Variants in TJP1 observed in about 807,000 individuals in gnomAD.
TJP1 encodes the protein tight junction protein ZO-1.
Under a neutral mutation model 194.2 loss-of-function variants are expected in TJP1, and 43 were observed. That is an observed-to-expected ratio of 0.22 (90% confidence interval 0.17 to 0.29). TJP1 has a LOEUF of 0.29. Among genes scored for constraint, TJP1 ranks in the 10% least tolerant of loss-of-function variants. The pLI, the probability that TJP1 is intolerant of heterozygous loss-of-function variation, is 1.00. For missense variants in TJP1, 1,971 were observed against 2,185.7 expected, an observed-to-expected ratio of 0.90 and a Z score of 1.96; for synonymous variants, 801 against 779.0, an observed-to-expected ratio of 1.03 and a Z score of -0.47.
chr15:29,894,974 T>C (rs535279498), intron 2 of TJP1, among the ~76,000 whole-genome samples: 4 of 152,218 alleles, frequency 2.6e-5, no homozygotes, highest in South Asian at 2.1e-4. Flanking sequence ...TGGTGCCCAG[T>C]TGTGCAGCAA....
intron 5 of TJP1, 27 bp downstream of exon 5, chr15:29,766,239 A>T (rs758371813): frequency 5.0e-6 from 8 of 1,588,894 alleles, no homozygotes; most frequent in Non-Finnish European, 6.8e-6. Flanking sequence ...TCATGTGAAA[A>T]AAACAGCAAG....
chr15:29,862,973 A>G (rs1297859542), intron 2 of TJP1, among the ~76,000 whole-genome samples: 1 of 151,568 alleles, frequency 6.6e-6, no homozygotes, highest in East Asian at 2.0e-4. Context: ...TAACAAGGCA[A>G]TGACACCACC....
At chr15:29,835,889 AAG>A (rs143484883) in intron 2 of TJP1, among the ~76,000 whole-genome samples, 37 of 148,850 alleles carry the variant, frequency 2.5e-4, no homozygotes, top group Non-Finnish European at 2.1e-4. Flanking sequence ...TGGACGGGGA[AAG>A]AGAGAGAGAG....
intron 8 of TJP1, among the ~76,000 whole-genome samples, chr15:29,743,221 C>T (rs1214184510): frequency 6.6e-6 from 1 of 152,018 alleles, no homozygotes; most frequent in Non-Finnish European, 1.5e-5. Flanking sequence ...TAAAGTAAGA[C>T]TCAATGAAGC....
intron 1 of TJP1, among the ~76,000 whole-genome samples, chr15:29,804,480 T>C (rs1376463325): frequency 6.6e-6 from 1 of 152,164 alleles, no homozygotes; most frequent in African/African-American, 2.4e-5. Flanking sequence ...TGTTCACTAA[T>C]GACTGAGAAT....
chr15:29,819,526 G>A (rs141743300), intron 1 of TJP1, among the ~76,000 whole-genome samples: 3 of 152,230 alleles, frequency 2.0e-5, no homozygotes, highest in Admixed American at 6.5e-5. Flanking sequence ...GATGTTTCTG[G>A]ACCTCCCTGG....
At chr15:29,705,097 T>C (rs1200966769) in intron 26 of TJP1, among the ~76,000 whole-genome samples, 1 of 152,226 alleles carries the variant, frequency 6.6e-6, no homozygotes, top group Non-Finnish European at 1.5e-5. Context: ...GTACTAGTGC[T>C]AGGTTCTGGG....
At chr15:29,760,099 C>G (rs1364676920) in intron 8 of TJP1, 13 of 614,710 alleles carry the variant, frequency 2.1e-5, no homozygotes, top group Non-Finnish European at 3.2e-5. Context: ...TATAAGGGTT[C>G]CCTTTTCTTC....
intron 1 of TJP1, among the ~76,000 whole-genome samples, chr15:29,958,489 C>T (rs1219031891): frequency 1.3e-5 from 2 of 152,074 alleles, no homozygotes; most frequent in Admixed American, 1.3e-4. Context: ...TAAGTTTCTG[C>T]CTTATTAATA....
At chr15:29,966,251 C>T (rs1356926888) in intron 1 of TJP1, among the ~76,000 whole-genome samples, 1 of 152,116 alleles carries the variant, frequency 6.6e-6, no homozygotes, top group African/African-American at 2.4e-5. Flanking sequence ...ACCTGTAATC[C>T]CAGCACTTTG....
intron 2 of TJP1, among the ~76,000 whole-genome samples, chr15:29,857,661 T>G (rs938369415): frequency 1.3e-5 from 2 of 152,202 alleles, no homozygotes; most frequent in African/African-American, 4.8e-5. Context: ...AAGGCCAATA[T>G]GCATTCTTGC....
At chr15:29,844,451 G>T (rs971481375) in intron 2 of TJP1, among the ~76,000 whole-genome samples, 3 of 152,166 alleles carry the variant, frequency 2.0e-5, no homozygotes, top group African/African-American at 7.2e-5. Flanking sequence ...CAGTGAGGTG[G>T]CACCAGCAGT....
At chr15:29,831,222 A>G (rs748540764) in intron 2 of TJP1, among the ~76,000 whole-genome samples, 12 of 152,236 alleles carry the variant, frequency 7.9e-5, no homozygotes, top group Non-Finnish European at 5.9e-5. Context: ...TTGCTGAGGG[A>G]AAGTTTTTCT....
At chr15:29,837,664 CAT>C (rs940724589) in intron 2 of TJP1, among the ~76,000 whole-genome samples, 7 of 152,190 alleles carry the variant, frequency 4.6e-5, no homozygotes, top group African/African-American at 1.7e-4. Flanking sequence ...ACAAAGAAAA[CAT>C]AAATACAACA....
intron 15 of TJP1, chr15:29,730,596 GAA>G (rs767411082): frequency 6.0e-4 from 279 of 462,520 alleles, no homozygotes; most frequent in East Asian, 1.2e-3. Context: ...CTCTGTCTCT[GAA>G]AAAAAAAAAA....
chr15:29,733,164 A>T lies in TJP1; in HGVS notation c.1666T>A (p.Ser556Thr), dbSNP rs1157414157. Residue 556 changes from serine to threonine, a missense_variant, in exon 13 of 28, where the codon TCT becomes ACT. Transcript: ENST00000614355. ...TTACCAATTCGAATAGCAAGCCAAG[A>T]GCCCAGTTTTCCATTGTACAAGGTA... ...VDTLYNGKLGSWLAIRIGKNH... is the reference protein window; with the variant it reads ...VDTLYNGKLGTWLAIRIGKNH... The T allele has an allele frequency of 1.9e-6, 3 of 1,614,032 alleles. No homozygotes were observed. Among genetic ancestry groups the T allele is most frequent in the Admixed American group, 1.7e-5 (1 of 60,006 alleles).
intron 18 of TJP1, among the ~76,000 whole-genome samples, 173 bp downstream of exon 18, chr15:29,726,206 T>A (rs45505896): frequency 6.6e-6 from 1 of 152,172 alleles, no homozygotes; most frequent in Admixed American, 6.5e-5. Context: ...TCTCTTACCA[T>A]CAGAAACAAC....
chr15:29,873,836 T>C (rs569673200), intron 2 of TJP1, among the ~76,000 whole-genome samples: 2 of 152,286 alleles, frequency 1.3e-5, no homozygotes, highest in East Asian at 3.9e-4. Context: ...GGTATTTCTC[T>C]CCAAATCTAG....
chr15:29,909,360 G>C (rs1241672358), intron 2 of TJP1, among the ~76,000 whole-genome samples: 1 of 141,400 alleles, frequency 7.1e-6, no homozygotes, highest in African/African-American at 2.6e-5. Flanking sequence ...AAAAAAAAGA[G>C]GCTCACCAGA....
Sources: gnomAD v4.1 joint callset for allele counts (sites outside exome capture counted in the v4.1 genomes callset) on GRCh38, gnomAD v4.1.1 for gene constraint, MANE v1.5 for transcripts, NCBI Gene and HGNC (gene_info 2026-07-23, HGNC 2026-07-21) for gene names.